Variants in VPS50 observed in about 807,000 individuals in gnomAD.
VPS50 encodes the protein syndetin.
A neutral mutation model predicts 139.7 loss-of-function variants in VPS50; 70 were observed. The observed-to-expected ratio is 0.50, with a 90% CI of 0.41 to 0.61. The LOEUF is 0.61. VPS50 is among the 20% of genes least tolerant of loss of function. VPS50 has a pLI of 0.00. For missense variants in VPS50, 921 were observed against 1,133.7 expected (o/e 0.81, Z 2.69); for synonymous variants, 365 against 376.7 (o/e 0.97, Z 0.36).
intron 8 of VPS50, 126 bp downstream of exon 8, chr7:93,258,518 G>A: frequency 4.2e-6 from 3 of 716,130 alleles, no homozygotes. Context: ...AGACATGTAA[G>A]ATTTTTAGAC....
intron 9 of VPS50, among the ~76,000 whole-genome samples, chr7:93,262,521 C>G (rs1795716342): frequency 6.6e-6 from 1 of 152,180 alleles, no homozygotes; most frequent in Non-Finnish European, 1.5e-5. Context: ...ATATGTGAGT[C>G]ATGCATGTGA....
intron 12 of VPS50, among the ~76,000 whole-genome samples, chr7:93,277,556 A>G (rs1404022895): frequency 6.6e-6 from 1 of 152,144 alleles, no homozygotes; most frequent in African/African-American, 2.4e-5. Context: ...TACTACAGAA[A>G]TTTTCTTACC....
At chr7:93,322,738 T>C (rs1222947162) in intron 20 of VPS50, among the ~76,000 whole-genome samples, 2 of 152,024 alleles carry the variant, frequency 1.3e-5, no homozygotes, top group African/African-American at 2.4e-5. Flanking sequence ...GAAGAAAGTA[T>C]AGAGCATTTT....
At chr7:93,293,005 A>C (rs1796694821) in intron 13 of VPS50, among the ~76,000 whole-genome samples, 1 of 152,132 alleles carries the variant, frequency 6.6e-6, no homozygotes, top group Non-Finnish European at 1.5e-5. Flanking sequence ...TATTTACCAA[A>C]GGTGAGAACT....
intron 19 of VPS50, among the ~76,000 whole-genome samples, chr7:93,310,779 A>T (rs1345323039): frequency 6.6e-6 from 1 of 151,764 alleles, no homozygotes; most frequent in Non-Finnish European, 1.5e-5. Context: ...CTGCCCCGTA[A>T]CCCCAAATAC....
chr7:93,305,091 T>G (rs952678230), intron 17 of VPS50, among the ~76,000 whole-genome samples: 1 of 151,960 alleles, frequency 6.6e-6, no homozygotes, highest in Non-Finnish European at 1.5e-5. Context: ...AATTTTGTGA[T>G]AAATCATTAA....
intron 18 of VPS50, among the ~76,000 whole-genome samples, chr7:93,306,260 A>G (rs1797113234): frequency 6.6e-6 from 1 of 151,862 alleles, no homozygotes; most frequent in African/African-American, 2.4e-5. Flanking sequence ...CAGGTTGCTA[A>G]TCAAGTAGTA....
chr7:93,241,925 TGAA>T (rs902742366), intron 2 of VPS50, among the ~76,000 whole-genome samples: 2 of 152,060 alleles, frequency 1.3e-5, no homozygotes, highest in Admixed American at 6.6e-5. Flanking sequence ...TTGATGTAAT[TGAA>T]GAAGATCTTT....
rs1008261436 is a variant in VPS50, at chr7:93,243,580, T to A, written c.102+3646T>A. ...ATTCTTCGAAATGGATTCTGTTATG[T>A]TTCAAATTAGTGGGATTTTCATGCA... On this transcript the variant is annotated intron_variant, in intron 2 of 27. Coordinates refer to ENST00000305866, the MANE Select transcript of VPS50 (RefSeq NM_017667.4). Among the ~76,000 whole-genome samples, 5 of 152,014 alleles carry A rather than the reference T, an allele frequency of 3.3e-5. No individual in the cohort carries two copies. The South Asian group carries it at 6.2e-4, about 19-fold the overall frequency.
At chr7:93,356,142 G>T (rs1798700820) in intron 27 of VPS50, 62 bp downstream of exon 27, 8 of 809,682 alleles carry the variant, frequency 9.9e-6, no homozygotes, top group Non-Finnish European at 1.1e-5. Context: ...GTTCTTGTTG[G>T]GTGTGTTATT....
chr7:93,311,149 T>C lies in VPS50; in HGVS notation c.1749-17T>C. 1 of 961,196 alleles carries C rather than the reference T, an allele frequency of 1.0e-6. No homozygotes were observed. Among genetic ancestry groups the C allele is most frequent in the African/African-American group, 1.6e-5 (1 of 62,936 alleles). 59.5% of individuals were successfully genotyped at this position (961,196 alleles called of 1,614,324 possible). On this transcript the variant is annotated splice_polypyrimidine_tract_variant and intron_variant, in intron 19 of 27. Coordinates refer to ENST00000305866, the MANE Select transcript of VPS50 (RefSeq NM_017667.4). ...CTTGACAACTCTAGCAACTCTGTTT[T>C]GTTTTTCCATATCAAGTGTTTCTCG... is the stretch of plus-strand genomic sequence containing the variant.
intron 4 of VPS50, among the ~76,000 whole-genome samples, chr7:93,255,252 G>A (rs1208994608): frequency 2.0e-5 from 3 of 152,090 alleles, no homozygotes; most frequent in Non-Finnish European, 2.9e-5. Context: ...GCAGTTAGAC[G>A]GTCCCATCTG....
At chr7:93,292,253 T>C (rs1185584832) in intron 13 of VPS50, among the ~76,000 whole-genome samples, 1 of 152,136 alleles carries the variant, frequency 6.6e-6, no homozygotes, top group African/African-American at 2.4e-5. Flanking sequence ...GAATTAATTA[T>C]ATTGATACTT....
chr7:93,311,183 T>TA lies in VPS50; in HGVS notation c.1771dup (p.Ser591LysfsTer11). The TA allele has an allele frequency of 7.5e-7, 1 of 1,326,400 alleles. No homozygotes were observed. The highest frequency in any genetic ancestry group is 1.1e-6 in the Non-Finnish European group (1 of 917,730). The allele number at this position is 1,326,400 out of a possible 1,614,324, so 82.2% of individuals were successfully genotyped here. A position where few individuals can be genotyped will look rare whatever the true frequency, so the allele number is the denominator to read the frequency against. ...ATATCAAGTGTTTCTCGGGAAACTC[T>TA]AAAAAGCAGGAAGAAATCAGATTAC... On this transcript the variant is annotated frameshift_variant, in exon 20 of 28. Coordinates refer to ENST00000305866, the MANE Select transcript of VPS50 (RefSeq NM_017667.4). LOFTEE classifies it high-confidence loss of function.
Position 93,308,962 on chromosome 7 carries a change from G to C in VPS50, c.1748+20G>C. 1.6e-6 allele frequency: 2 copies of C among 1,238,020 alleles called. No individual in the cohort carries two copies. Among genetic ancestry groups the C allele is most frequent in the South Asian group, 2.4e-5 (2 of 81,894 alleles). 76.7% of individuals were successfully genotyped at this position (1,238,020 alleles called of 1,614,324 possible). ...GAAAAGGTGATTGTTCTTAAATTGT[G>C]TGGTATTTAGCATTTTATCTTGTGC... On this transcript the variant is annotated intron_variant, in intron 19 of 27. Transcript: ENST00000305866.
chr7:93,318,529 A>G lies in VPS50; in HGVS notation c.1856-5082A>G, dbSNP rs551669610. On this transcript the variant is annotated intron_variant, in intron 20 of 27. Transcript: ENST00000305866. ...GTGTCTCAAATTAGTGTACTGAAAT[A>G]AAATAATGAATATTCTTCCAACTCA... is the stretch of plus-strand genomic sequence containing the variant. Among the ~76,000 whole-genome samples the G allele has an allele frequency of 3.9e-5, 6 of 152,328 alleles. No individual in the cohort carries two copies. In the South Asian group the frequency reaches 1.2e-3, roughly 32 times the overall value.
intron 1 of VPS50, among the ~76,000 whole-genome samples, chr7:93,232,944 G>A (rs1465809469): frequency 2.0e-5 from 3 of 152,098 alleles, no homozygotes; most frequent in African/African-American, 7.2e-5. Flanking sequence ...TTTGGATTTT[G>A]GGCAAGTCCC....
chr7:93,348,052 A>C (rs913456634), intron 23 of VPS50, among the ~76,000 whole-genome samples: 5 of 152,198 alleles, frequency 3.3e-5, no homozygotes, highest in Non-Finnish European at 5.9e-5. Context: ...AATACAATTA[A>C]CGCATATAAC....
intron 16 of VPS50, among the ~76,000 whole-genome samples, chr7:93,303,093 A>T (rs916434274): frequency 1.3e-5 from 2 of 151,874 alleles, no homozygotes; most frequent in African/African-American, 4.8e-5. Context: ...ATAATCTGTA[A>T]ATTTTTTCTT....
Sources: allele counts gnomAD v4.1 joint callset (sites outside exome capture counted in the v4.1 genomes callset), GRCh38; gene constraint gnomAD v4.1.1; transcripts MANE v1.5; gene names NCBI Gene and HGNC (gene_info 2026-07-23, HGNC 2026-07-21).